EXT1: variants seen among roughly 807,000 people sequenced by gnomAD.
EXT1 encodes exostosin-1.
In EXT1, 20 loss-of-function variants were observed where a neutral mutation model predicts 82.5. The observed-to-expected ratio is 0.24, with a 90% CI of 0.17 to 0.35. The LOEUF (loss-of-function observed/expected upper bound fraction) is 0.35. EXT1 is among the 10% of genes least tolerant of loss of function. EXT1 has a pLI of 1.00. For missense variants in EXT1, 757 were observed against 936.5 expected (o/e 0.81, Z 2.50); for synonymous variants, 348 against 350.8 (o/e 0.99, Z 0.09).
At chr8:118,078,864 G>A (rs1817259278) in intron 1 of EXT1, among the ~76,000 whole-genome samples, 1 of 152,112 alleles carries the variant, frequency 6.6e-6, no homozygotes, top group African/African-American at 2.4e-5. Flanking sequence ...TCAGACTTTT[G>A]AGAACACAAA....
rs886545537 is a variant in EXT1, at chr8:117,830,277, C to T, written c.1237G>A (p.Glu413Lys). The change falls in exon 4 of 11, where the codon GAG (glutamate) becomes AAG (lysine). Residue 413 changes from glutamate to lysine, a missense_variant. Physicochemically the swap from Glu to Lys is moderately conservative, Grantham distance 56 (BLOSUM62 1). Around this residue, in one of 4 missense-constraint regions of EXT1, gnomAD observed 207 missense variants for 224.2 expected, o/e 0.92. Coordinates refer to ENST00000378204, the MANE Select transcript of EXT1 (RefSeq NM_000127.3). ...TTCTCAACTGAAGAAAAATAAGCCT[C>T]CCACAAGAATTGTGTCTGCTGTCTA... ...ALRQQTQFLW[E>K]AYFSSVEKIV... is the part of the protein sequence containing the mutation. 1.9e-6 allele frequency: 3 copies of T among 1,613,886 alleles called. No homozygotes were observed. Among genetic ancestry groups the T allele is most frequent in the Non-Finnish European group, 2.5e-6 (3 of 1,179,966 alleles).
chr8:118,105,539 T>C (rs1042817612), intron 1 of EXT1, among the ~76,000 whole-genome samples: 1 of 151,698 alleles, frequency 6.6e-6, no homozygotes, highest in Non-Finnish European at 1.5e-5. Context: ...TCTCAGGTGC[T>C]CTCCAGAAAG....
intron 1 of EXT1, among the ~76,000 whole-genome samples, chr8:117,937,352 T>C (rs534950052): frequency 2.8e-4 from 43 of 152,292 alleles, no homozygotes; most frequent in African/African-American, 9.4e-4. Flanking sequence ...GAGGACACAA[T>C]CCATAAAAAT....
At chr8:117,863,740 T>G (rs114461790) in intron 1 of EXT1, among the ~76,000 whole-genome samples, 1 of 152,088 alleles carries the variant, frequency 6.6e-6, no homozygotes, top group South Asian at 2.1e-4. Context: ...CACATCCTGC[T>G]CCTTCCTCTC....
In EXT1 at chr8:117,832,943, T is replaced by C. The variant is rs564946811; in HGVS notation, c.1164+2501A>G. ...AGTCTTAATAAAAGGTCATGTATGG[T>C]AGCAAAACAAATGGAATGCACCAGA... is the stretch of plus-strand genomic sequence containing the variant. On this transcript the variant is annotated intron_variant, in intron 3 of 10. Transcript: ENST00000378204. 3.3e-5 allele frequency among the ~76,000 whole-genome samples: 5 copies of C among 152,270 alleles called. No homozygotes were observed. In the South Asian group the frequency reaches 6.2e-4, roughly 19 times the overall value.
chr8:117,941,373 G>C (rs1318785842), intron 1 of EXT1, among the ~76,000 whole-genome samples: 1 of 152,172 alleles, frequency 6.6e-6, no homozygotes, highest in Non-Finnish European at 1.5e-5. Context: ...TTTAAAGCAG[G>C]GACTTTGCTA....
At chr8:118,090,695 C>A (rs1817506712) in intron 1 of EXT1, among the ~76,000 whole-genome samples, 1 of 136,152 alleles carries the variant, frequency 7.3e-6, no homozygotes, top group Admixed American at 8.6e-5. Context: ...AGGAGAATTG[C>A]TTGAGCCTGG....
chr8:117,894,119 G>C (rs1305566485), intron 1 of EXT1, among the ~76,000 whole-genome samples: 1 of 152,116 alleles, frequency 6.6e-6, no homozygotes, highest in African/African-American at 2.4e-5. Context: ...TACTGCAATA[G>C]TTCCTGACTA....
At chr8:117,808,965 G>C (rs1270340831) in intron 8 of EXT1, among the ~76,000 whole-genome samples, 3 of 151,866 alleles carry the variant, frequency 2.0e-5, no homozygotes, top group Admixed American at 6.6e-5. Flanking sequence ...GCTGAGCTGG[G>C]ACATCGAACT....
chr8:117,836,595 G>A (rs1425331500), intron 2 of EXT1, among the ~76,000 whole-genome samples: 1 of 152,208 alleles, frequency 6.6e-6, no homozygotes, highest in Non-Finnish European at 1.5e-5. Context: ...GAGTGAGGTT[G>A]ATGAGCTGAG....
intron 1 of EXT1, among the ~76,000 whole-genome samples, chr8:117,959,316 C>G (rs1022256657): frequency 6.6e-6 from 1 of 152,232 alleles, no homozygotes; most frequent in Non-Finnish European, 1.5e-5. Context: ...TGATCAAGCT[C>G]TAGCCTGTTC....
chr8:117,864,444 T>C (rs1163233801), intron 1 of EXT1, among the ~76,000 whole-genome samples: 1 of 152,080 alleles, frequency 6.6e-6, no homozygotes, highest in East Asian at 1.9e-4. Context: ...TAATGATAGC[T>C]GATGAGCTTT....
chr8:117,859,110 T>C (rs1812637085), intron 1 of EXT1, among the ~76,000 whole-genome samples: 2 of 152,230 alleles, frequency 1.3e-5, no homozygotes, highest in Non-Finnish European at 2.9e-5. Context: ...GCATACCTAA[T>C]AGACTACAAT....
chr8:117,933,547 T>C (rs922823784), intron 1 of EXT1, among the ~76,000 whole-genome samples: 13 of 152,192 alleles, frequency 8.5e-5, no homozygotes, highest in African/African-American at 3.1e-4. Flanking sequence ...TTTTAATCTA[T>C]GTCTGAAAGT....
chr8:117,822,090 T>C (rs1207230893), intron 5 of EXT1, among the ~76,000 whole-genome samples: 1 of 151,982 alleles, frequency 6.6e-6, no homozygotes, highest in Non-Finnish European at 1.5e-5. Flanking sequence ...TGGTAAGGAA[T>C]AGAGATATTG....
intron 1 of EXT1, among the ~76,000 whole-genome samples, chr8:118,040,013 A>G (rs1033517059): frequency 6.6e-6 from 1 of 152,246 alleles, no homozygotes; most frequent in Non-Finnish European, 1.5e-5. Flanking sequence ...CAATGTTGAA[A>G]TTGCTGTTTA....
At chr8:118,035,511 G>GA (rs958077196) in intron 1 of EXT1, among the ~76,000 whole-genome samples, 28 of 149,808 alleles carry the variant, frequency 1.9e-4, no homozygotes, top group African/African-American at 4.2e-4. Flanking sequence ...GGAATAAATA[G>GA]AAAAAAAAAG....
Position 117,837,857 on chromosome 8 carries a change from G to GA in EXT1, c.963-657dup, listed in dbSNP as rs58707417. Among the ~76,000 whole-genome samples, 278 of 139,642 alleles carry GA rather than the reference G, an allele frequency of 2.0e-3. 1 individual carries two copies. Among genetic ancestry groups the GA allele is most frequent in the East Asian group, 0.013 (65 of 4,956 alleles). The allele number at this position is 139,642 out of a possible 152,430, so 91.6% of individuals were successfully genotyped here. On this transcript the variant is annotated intron_variant, in intron 1 of 10. Coordinates refer to ENST00000378204, the MANE Select transcript of EXT1 (RefSeq NM_000127.3). ...AAGAAAGAATAACGAGAAAAGAAAA[G>GA]AAAAAAAAAAAACCTGAACTAGGAG...
chr8:117,818,521 G>A lies in EXT1; in HGVS notation c.1546C>T (p.Leu516=), dbSNP rs766490885. 1.9e-6 allele frequency: 3 copies of A among 1,613,812 alleles called. No individual in the cohort carries two copies. The African/African-American group carries it at 4.0e-5, about 22-fold the overall frequency. ...KSQYCAQIIV[L]WNCDKPLPAK... ...GGTAGGGGCTTGTCACAATTCCATA[G>A]AACTATGATCTGAAAGGGATGGGGC... Residue 516 remains leucine, a synonymous_variant, in exon 7 of 11, where the codon CTA becomes TTA. Coordinates refer to ENST00000378204, the MANE Select transcript of EXT1 (RefSeq NM_000127.3).
Sources: gnomAD v4.1 joint callset for allele counts (sites outside exome capture counted in the v4.1 genomes callset) on GRCh38, gnomAD v4.1.1 for gene constraint, gnomAD v4.1.1 regional missense constraint, MANE v1.5 for transcripts, NCBI Gene and HGNC (gene_info 2026-07-23, HGNC 2026-07-21) for gene names.